BFSP2: variants seen among roughly 807,000 people sequenced by gnomAD.
BFSP2 encodes phakinin.
A neutral mutation model predicts 44.9 loss-of-function variants in BFSP2; 38 were observed. That is an observed-to-expected ratio of 0.85 (90% CI 0.65 to 1.11). The LOEUF is 1.11. BFSP2 is among the 50% of genes least tolerant of loss of function. The pLI is 0.00. For missense variants in BFSP2, 525 were observed against 533.0 expected (o/e 0.99, Z 0.15); for synonymous variants, 197 against 209.9 (o/e 0.94, Z 0.53).
chr3:133,452,520 G>A (rs1427207317), intron 4 of BFSP2, among the ~76,000 whole-genome samples: 1 of 152,180 alleles, frequency 6.6e-6, no homozygotes, highest in East Asian at 1.9e-4. Context: ...ATAGATTTGA[G>A]TTTGGTCCAT....
At position 133,462,016 on chromosome 3, in the gene BFSP2, G is replaced by A. The variant is rs1186893870; in HGVS notation, c.892-4812G>A. ...TCCTCTACCCACTGCAAGGGATACT[G>A]TTTCATTGGTTTCTGCAGCGATCTA... On this transcript the variant is annotated intron_variant, in intron 4 of 6. Transcript: ENST00000302334. Among the ~76,000 whole-genome samples, 50 of 151,886 alleles carry A rather than the reference G, an allele frequency of 3.3e-4. 1 individual carries two copies. The highest frequency in any genetic ancestry group is 3.3e-3 in the Admixed American group (50 of 15,236).
intron 6 of BFSP2, 138 bp downstream of exon 6, chr3:133,472,703 CCTAG>C: frequency 1.0e-6 from 1 of 965,390 alleles, no homozygotes; most frequent in Non-Finnish European, 1.6e-6. Context: ...ATTCCCACAG[CCTAG>C]CTGTGTCCTT....
intron 1 of BFSP2, among the ~76,000 whole-genome samples, chr3:133,430,661 G>C (rs1340263899): frequency 6.6e-6 from 1 of 151,994 alleles, no homozygotes; most frequent in Non-Finnish European, 1.5e-5. Context: ...ATTCTTTTAC[G>C]CATCGGTCCC....
chr3:133,402,093 A>C (rs938805089), intron 1 of BFSP2, among the ~76,000 whole-genome samples: 1 of 152,118 alleles, frequency 6.6e-6, no homozygotes, highest in Non-Finnish European at 1.5e-5. Flanking sequence ...CCTTATTCCA[A>C]ATATTGTGCC....
intron 4 of BFSP2, among the ~76,000 whole-genome samples, chr3:133,451,974 G>T (rs1262335692): frequency 6.6e-6 from 1 of 152,140 alleles, no homozygotes; most frequent in East Asian, 1.9e-4. Flanking sequence ...CTGAGTTAAG[G>T]CAAAAGGCTG....
chr3:133,425,853 G>GAAGGGAAGGGAAATAAAGAAGGGAAAC lies in BFSP2; in HGVS notation c.490-21464_490-21463insAAGGGAAGGGAAATAAAGAAGGGAAAC, dbSNP rs772194357. On this transcript the variant is annotated intron_variant, in intron 1 of 6. Transcript: ENST00000302334. Reference sequence around the variant, plus strand: ...AGGGAAGGGAAATAAAGAAGGGAAAGGAAGGGAAGGGAAGGGAAATAAAGA... The same window carrying GAAGGGAAGGGAAATAAAGAAGGGAAAC: ...AGGGAAGGGAAATAAAGAAGGGAAAGAAGGGAAGGGAAATAAAGAAGGGAAACGAAGGGAAGGGAAGGGAAATAAAGA... 2.6e-3 allele frequency among the ~76,000 whole-genome samples: 302 copies of GAAGGGAAGGGAAATAAAGAAGGGAAAC among 114,350 alleles called. 14 individuals are homozygous for GAAGGGAAGGGAAATAAAGAAGGGAAAC. Among genetic ancestry groups the GAAGGGAAGGGAAATAAAGAAGGGAAAC allele is most frequent in the African/African-American group, 0.012 (286 of 23,654 alleles). The allele number at this position is 114,350 out of a possible 152,430, so 75.0% of individuals were successfully genotyped here. A position where few individuals can be genotyped will look rare whatever the true frequency, so the allele number is the denominator to read the frequency against.
chr3:133,437,337 G>A (rs1008181826), intron 1 of BFSP2, among the ~76,000 whole-genome samples: 2 of 151,962 alleles, frequency 1.3e-5, no homozygotes, highest in Non-Finnish European at 2.9e-5. Context: ...CAGCCTGACC[G>A]ACATGGAGAA....
chr3:133,429,862 G>A (rs1013933185), intron 1 of BFSP2, among the ~76,000 whole-genome samples: 17 of 151,468 alleles, frequency 1.1e-4, no homozygotes, highest in South Asian at 2.1e-4. Flanking sequence ...CCATTAACTC[G>A]TCATTTAGCA....
intron 1 of BFSP2, among the ~76,000 whole-genome samples, chr3:133,424,246 T>C (rs1387912563): frequency 5.9e-5 from 2 of 33,642 alleles, no homozygotes; most frequent in Non-Finnish European, 8.2e-5. Context: ...TTTTTTGTAT[T>C]TTTAGTAGAG....
intron 1 of BFSP2, among the ~76,000 whole-genome samples, chr3:133,442,920 C>A (rs149083013): frequency 6.6e-6 from 1 of 150,908 alleles, no homozygotes; most frequent in Non-Finnish European, 1.5e-5. Context: ...TGCAGTGGTG[C>A]GATCTCAGCT....
At chr3:133,415,755 A>G (rs1434616734) in intron 1 of BFSP2, among the ~76,000 whole-genome samples, 1 of 100,382 alleles carries the variant, frequency 1.0e-5, no homozygotes, top group Non-Finnish European at 1.9e-5. Context: ...TCTCCCCTCT[A>G]TTCATCCCTG....
chr3:133,416,362 T>A (rs2073529269), intron 1 of BFSP2, among the ~76,000 whole-genome samples: 1 of 132,808 alleles, frequency 7.5e-6, no homozygotes, highest in Non-Finnish European at 1.6e-5. Flanking sequence ...CTGTCCCCTC[T>A]ACTCATGCCT....
At chr3:133,447,599 T>G (rs2073915505) in intron 2 of BFSP2, among the ~76,000 whole-genome samples, 200 bp downstream of exon 2, 1 of 152,142 alleles carries the variant, frequency 6.6e-6, no homozygotes, top group South Asian at 2.1e-4. Context: ...TTTTGCCCAC[T>G]GTCAGTTGGT....
intron 1 of BFSP2, among the ~76,000 whole-genome samples, chr3:133,402,455 A>C (rs993028664): frequency 6.6e-6 from 1 of 152,192 alleles, no homozygotes; most frequent in South Asian, 2.1e-4. Context: ...CTGTGAGAGC[A>C]CCACAGCCAC....
chr3:133,424,227 T>A (rs1280115032), intron 1 of BFSP2, among the ~76,000 whole-genome samples: 2 of 145,438 alleles, frequency 1.4e-5, no homozygotes, highest in African/African-American at 5.0e-5. Context: ...TTTTTTTTTT[T>A]TTTTTTTTTT....
intron 1 of BFSP2, among the ~76,000 whole-genome samples, chr3:133,420,766 G>T (rs2073585800): frequency 6.6e-6 from 1 of 152,114 alleles, no homozygotes; most frequent in Admixed American, 6.5e-5. Flanking sequence ...TAATTGTTTG[G>T]GCTGTGCTGT....
In BFSP2 at chr3:133,424,224, T is replaced by TGTGTGTGTG. The variant is rs1553778837; in HGVS notation, c.490-23093_490-23092insGTGTGTGTG. On this transcript the variant is annotated intron_variant, in intron 1 of 6. Coordinates refer to ENST00000302334, the MANE Select transcript of BFSP2 (RefSeq NM_003571.4). ...CCGCGTCCAGCTAATTTTTTTTTTTTTTTTTTTTTTTTTTTTTGTATTTTT... is the reference window on the plus strand; with the variant it reads ...CCGCGTCCAGCTAATTTTTTTTTTTTGTGTGTGTGTTTTTTTTTTTTTTTTTGTATTTTT... Among the ~76,000 whole-genome samples the TGTGTGTGTG allele has an allele frequency of 8.5e-4, 108 of 126,840 alleles. 1 individual carries two copies. In the East Asian group the frequency reaches 0.018, roughly 21 times the overall value. The allele number at this position is 126,840 out of a possible 152,430, so 83.2% of individuals were successfully genotyped here.
chr3:133,418,477 C>T (rs932834529), intron 1 of BFSP2, among the ~76,000 whole-genome samples: 1 of 152,130 alleles, frequency 6.6e-6, no homozygotes, highest in Non-Finnish European at 1.5e-5. Context: ...GGGTACCCAG[C>T]GTCCCTGAGG....
chr3:133,418,886 G>C (rs185259815), intron 1 of BFSP2, among the ~76,000 whole-genome samples: 17 of 152,266 alleles, frequency 1.1e-4, no homozygotes, highest in Non-Finnish European at 2.2e-4. Context: ...GTCTTAATTT[G>C]GGCCTCTCCA....
Sources: allele counts gnomAD v4.1 joint callset (sites outside exome capture counted in the v4.1 genomes callset), GRCh38; gene constraint gnomAD v4.1.1; transcripts MANE v1.5; gene names NCBI Gene and HGNC (gene_info 2026-07-23, HGNC 2026-07-21).